The following DHX57 variants were observed in gnomAD, a reference collection of about 807,000 sequenced individuals.
DHX57 encodes the protein putative ATP-dependent RNA helicase DHX57.
A neutral mutation model predicts 156.2 loss-of-function variants in DHX57; 105 were observed. The ratio of observed to expected loss-of-function variants is 0.67; its 90% CI spans 0.57 to 0.79. The LOEUF is 0.79. DHX57 is among the 30% of genes least tolerant of loss of function. The probability of loss-of-function intolerance (pLI) is 0.00; values close to 1 mark genes in which losing one functional copy is unlikely to be tolerated. For synonymous variants in DHX57, 704 were observed against 595.6 expected (o/e 1.18, Z -2.65); for missense variants, 1,847 against 1,661.9 (o/e 1.11, Z -1.94).
At chr2:38,841,257 C>G (rs1003336861) in intron 12 of DHX57, among the ~76,000 whole-genome samples, 1 of 152,186 alleles carries the variant, frequency 6.6e-6, no homozygotes, top group Non-Finnish European at 1.5e-5. Context: ...CACTTACTAG[C>G]TGGGCACTAT....
chr2:38,819,056 G>A lies in DHX57; in HGVS notation c.3380C>T (p.Ala1127Val), dbSNP rs375890790. 1.2e-5 allele frequency: 19 copies of A among 1,613,924 alleles called. No individual in the cohort carries two copies. The highest frequency in any genetic ancestry group is 6.7e-5 in the African/African-American group (5 of 74,892). The change falls in exon 18 of 24, where the codon GCG (alanine) becomes GTG (valine). Residue 1127 changes from alanine to valine, a missense_variant. Physicochemically the swap from Ala to Val is moderately conservative, Grantham distance 64. Transcript: ENST00000457308. ...ANSDYLALLQ[A>V]YKGWQLSTKE... is the part of the protein sequence containing the mutation. ...ATTAGGTTATATACTTACCTTATAC[G>A]CTTGTAGAAGGGCCAGATAATCACT...
In DHX57 at chr2:38,825,922, T is replaced by C. The variant is rs748629795; in HGVS notation, c.2939A>G (p.His980Arg). The C allele has an allele frequency of 1.9e-6, 3 of 1,614,192 alleles. No homozygotes were observed. The highest frequency in any genetic ancestry group is 1.7e-6 in the Non-Finnish European group (2 of 1,180,032). The change falls in exon 16 of 24, where the codon CAT becomes CGT. Residue 980 changes from histidine (H) to arginine (R), a missense_variant. Coordinates refer to ENST00000457308, the MANE Select transcript of DHX57 (RefSeq NM_198963.3). ...SGVCFHLFTS[H>R]HYNHQLLKQQ... ...TTTTAAAAGCTGGTGATTGTAGTGA[T>C]GGCTAGTGAATAAATGGAAGCAGAC...
At chr2:38,811,460 G>C (rs918342625) in intron 21 of DHX57, 19 of 641,352 alleles carry the variant, frequency 3.0e-5, no homozygotes, top group Non-Finnish European at 2.4e-5. Context: ...CGAACTCCTT[G>C]CTGACGTCCT....
chr2:38,822,541 A>C (rs926231305), intron 17 of DHX57, among the ~76,000 whole-genome samples: 1 of 151,878 alleles, frequency 6.6e-6, no homozygotes, highest in Non-Finnish European at 1.5e-5. Context: ...CTACATGTGC[A>C]CATCACCACG....
chr2:38,861,452 T>C lies in DHX57; in HGVS notation c.958A>G (p.Arg320Gly), dbSNP rs767291972. ...KGNCKFGSKC[R>G]FKHEVPPNQI... ...TTTGGGGGCACTTCATGTTTGAATCTGCATTTTGATCCAAATTTACAATTT... is the reference window on the plus strand; with the variant it reads ...TTTGGGGGCACTTCATGTTTGAATCCGCATTTTGATCCAAATTTACAATTT... Residue 320 changes from arginine (R) to glycine (G), a missense_variant, in exon 5 of 24, where the codon AGA (arginine) becomes GGA (glycine). Coordinates refer to ENST00000457308, the MANE Select transcript of DHX57 (RefSeq NM_198963.3). 6.2e-7 allele frequency: 1 copy of C among 1,614,098 alleles called. No homozygotes were observed.
At chr2:38,831,797 C>T (rs890929395) in intron 13 of DHX57, among the ~76,000 whole-genome samples, 10 of 148,428 alleles carry the variant, frequency 6.7e-5, no homozygotes, top group Non-Finnish European at 1.5e-4. Context: ...GCGGAGGTTG[C>T]AGTGAGCTGA....
intron 2 of DHX57, among the ~76,000 whole-genome samples, chr2:38,865,362 C>G (rs1244923431): frequency 6.6e-6 from 1 of 152,144 alleles, no homozygotes; most frequent in African/African-American, 2.4e-5. Context: ...GGGTGTCCCC[C>G]TTTACTTGGC....
intron 20 of DHX57, 59 bp from the exon 21 acceptor site, chr2:38,813,954 T>A (rs1558359579): frequency 6.3e-7 from 1 of 1,583,492 alleles, no homozygotes; most frequent in South Asian, 1.1e-5. Flanking sequence ...TTTTTTCTTT[T>A]TGAGATGGAG....
chr2:38,827,485 C>CAAAAAAAAA (rs1196817843), intron 14 of DHX57, among the ~76,000 whole-genome samples: 3 of 8,512 alleles, frequency 3.5e-4, no homozygotes, highest in African/African-American at 7.7e-4. Context: ...GACTCTGTCT[C>CAAAAAAAAA]AAAAAAAAAA....
At chr2:38,875,246 C>A (rs1665553374) in intron 1 of DHX57, among the ~76,000 whole-genome samples, 1 of 152,216 alleles carries the variant, frequency 6.6e-6, no homozygotes, top group African/African-American at 2.4e-5. Context: ...AACTATCTTT[C>A]TTCACCATGG....
intron 5 of DHX57, among the ~76,000 whole-genome samples, chr2:38,859,915 A>T (rs547242588): frequency 6.6e-6 from 1 of 150,640 alleles, no homozygotes; most frequent in East Asian, 2.0e-4. Context: ...GGCTGAAGTG[A>T]TTCCCCCACA....
At chr2:38,813,934 G>A (rs375666982) in intron 20 of DHX57, 39 bp from the exon 21 acceptor site, 1 of 1,603,406 alleles carries the variant, frequency 6.2e-7, no homozygotes, top group East Asian at 2.2e-5. Context: ...AAGTGATATG[G>A]CTATTTCTTT....
At chr2:38,804,039 T>C (rs1210075807) in intron 22 of DHX57, among the ~76,000 whole-genome samples, 1 of 152,122 alleles carries the variant, frequency 6.6e-6, no homozygotes, top group African/African-American at 2.4e-5. Context: ...GCCTCGGCCT[T>C]TCAAAGGGCT....
intron 20 of DHX57, among the ~76,000 whole-genome samples, chr2:38,814,387 C>T (rs1670420150): frequency 6.6e-6 from 1 of 152,182 alleles, no homozygotes; most frequent in African/African-American, 2.4e-5. Context: ...GGACCACAGT[C>T]ACATTGGACC....
At chr2:38,814,150 C>T in intron 20 of DHX57, among the ~76,000 whole-genome samples, 1 of 152,138 alleles carries the variant, frequency 6.6e-6, no homozygotes, top group Non-Finnish European at 1.5e-5. Flanking sequence ...GTTGGCCAGG[C>T]TGGTCTCCAA....
At chr2:38,804,012 C>T (rs1669822946) in intron 22 of DHX57, among the ~76,000 whole-genome samples, 1 of 151,898 alleles carries the variant, frequency 6.6e-6, no homozygotes, top group Non-Finnish European at 1.5e-5. Context: ...AAACTCCTGA[C>T]CTCAAGTCAT....
intron 14 of DHX57, 92 bp downstream of exon 14, chr2:38,828,248 G>A (rs1671205161): frequency 3.4e-6 from 3 of 880,172 alleles, no homozygotes; most frequent in South Asian, 3.8e-5. Flanking sequence ...TATGCTCGAA[G>A]ACTGGTGCTC....
intron 13 of DHX57, among the ~76,000 whole-genome samples, chr2:38,837,097 C>T (rs1164510458): frequency 3.3e-4 from 50 of 152,108 alleles, no homozygotes; most frequent in Admixed American, 3.3e-3. Flanking sequence ...GATTCACCTT[C>T]CTTGGCCTCT....
At position 38,807,072 on chromosome 2, in the gene DHX57, T is replaced by TG. The variant is rs751826768; in HGVS notation, c.3682-380dup. Among the ~76,000 whole-genome samples the TG allele has an allele frequency of 4.6e-3, 677 of 148,052 alleles. 5 individuals are homozygous for TG. Among genetic ancestry groups the TG allele is most frequent in the African/African-American group, 0.012 (503 of 40,818 alleles). On this transcript the variant is annotated intron_variant, in intron 21 of 23. Transcript: ENST00000457308. ...ATTTCTTGTTTTGTTTTGTTTTTTT[T>TG]GAGACCGAGTCTCACTCTGTCTCTC...
Sources: allele counts gnomAD v4.1 joint callset (sites outside exome capture counted in the v4.1 genomes callset), GRCh38; gene constraint gnomAD v4.1.1; transcripts MANE v1.5; gene names NCBI Gene and HGNC (gene_info 2026-07-23, HGNC 2026-07-21).